The following NOLC1 variants were observed in gnomAD, a reference collection of about 807,000 sequenced individuals.
NOLC1 encodes 140 kDa nucleolar phosphoprotein.
A neutral mutation model predicts 73.4 loss-of-function variants in NOLC1; 37 were observed. The observed-to-expected ratio is 0.50, with a 90% CI of 0.39 to 0.66. The LOEUF is 0.66. NOLC1 is among the 30% of genes least tolerant of loss of function. The probability of loss-of-function intolerance (pLI) is 0.00; values close to 1 mark genes in which losing one functional copy is unlikely to be tolerated. For missense variants in NOLC1, 921 were observed against 838.9 expected (o/e 1.10, Z -1.21); for synonymous variants, 327 against 302.6 (o/e 1.08, Z -0.84).
At chr10:102,155,846 ACTAGT>A (rs925999708) in intron 1 of NOLC1, among the ~76,000 whole-genome samples, 1 of 150,912 alleles carries the variant, frequency 6.6e-6, no homozygotes, top group Non-Finnish European at 1.5e-5. Flanking sequence ...TACAGTACTT[ACTAGT>A]CTTGTTTCTT....
rs773425317 is a variant in NOLC1 at position 102,157,346 on chromosome 10, G to A, written c.316+18G>A. 9.3e-5 allele frequency: 150 copies of A among 1,613,512 alleles called. 1 individual carries two copies. The Admixed American group carries it at 2.5e-3, about 26-fold the overall frequency. On this transcript the variant is annotated intron_variant, in intron 3 of 12. Coordinates refer to ENST00000605788, the MANE Select transcript of NOLC1 (RefSeq NM_004741.5). ...GAAGGCTGGTAAGGCAGAGTAGCAG[G>A]TGGGCTTGGTGGTGCCAGGAAAAGA... is the stretch of plus-strand genomic sequence containing the variant.
rs904625711 is a variant in NOLC1 at position 102,160,563 on chromosome 10, C to T, written c.1211C>T (p.Ala404Val). 6.2e-7 allele frequency: 1 copy of T among 1,614,200 alleles called. No homozygotes were observed. The highest frequency in any genetic ancestry group is 8.5e-7 in the Non-Finnish European group (1 of 1,180,038). Residue 404 changes from alanine (A) to valine (V), a missense_variant, in exon 10 of 13, where the codon GCA becomes GTA. Physicochemically the swap from Ala to Val is moderately conservative, Grantham distance 64. Transcript: ENST00000605788. ...TTKSPAVKPA[A>V]APKQPVGGGQ... is the part of the protein sequence containing the mutation. ...AAGTCACCTGCAGTGAAGCCAGCTG[C>T]AGCCCCCAAGCAACCTGTGGGCGGT...
rs1424190800 is a variant in NOLC1, at chr10:102,162,172, A to G, written c.2003A>G (p.Lys668Arg). The G allele has an allele frequency of 1.9e-6, 3 of 1,614,038 alleles. No individual in the cohort carries two copies. The Admixed American group carries it at 5.0e-5, about 27-fold the overall frequency. ...ANQVLKFTKGKSFRHEKTKKK... is the reference protein window; with the variant it reads ...ANQVLKFTKGRSFRHEKTKKK... ...CAGGTTTTGAAGTTCACCAAAGGCA[A>G]GTCCTTTCGGCATGAGAAAACCAAG... is the stretch of plus-strand genomic sequence containing the variant. Residue 668 changes from lysine to arginine, a missense_variant, in exon 13 of 13, where the codon AAG (lysine) becomes AGG (arginine). By Grantham distance (26) the Lys-to-Arg change is conservative. Transcript: ENST00000605788.
intron 10 of NOLC1, 143 bp downstream of exon 10, chr10:102,161,236 A>G (rs1226968066): frequency 1.2e-6 from 1 of 832,566 alleles, no homozygotes; most frequent in South Asian, 2.0e-5. Flanking sequence ...GAAACTGGTT[A>G]CCTTTTTTTT....
chr10:102,163,056 A>G lies in NOLC1; in HGVS notation c.*787A>G, dbSNP rs1479047161. 2 of 152,172 alleles carry G rather than the reference A, an allele frequency of 1.3e-5. No individual in the cohort carries two copies. Among genetic ancestry groups the G allele is most frequent in the African/African-American group, 4.8e-5 (2 of 41,444 alleles). The allele number at this position is 152,172 out of a possible 1,614,324, so 9.4% of individuals were successfully genotyped here. On this transcript the variant is annotated 3_prime_UTR_variant, in exon 13 of 13. Transcript: ENST00000605788. ...TTCTACTGTTGAAAGACATTTTTTG[A>G]CAACTTGACCCTTCCTAGTATTGAG...
In NOLC1 at chr10:102,158,266, A is replaced by G. The variant is rs2069633388; in HGVS notation, c.607+52A>G. 6.5e-6 allele frequency: 10 copies of G among 1,542,652 alleles called. No homozygotes were observed. In the Middle Eastern group the frequency reaches 1.0e-3, roughly 160 times the overall value. On this transcript the variant is annotated intron_variant, in intron 5 of 12. Coordinates refer to ENST00000605788, the MANE Select transcript of NOLC1 (RefSeq NM_004741.5). ...GGCTGGGGACCAGATTGCTCTGGGG[A>G]CTGGAGTTAAAATTGCCGATTTGGC...
chr10:102,153,335 T>C (rs1264831665), intron 1 of NOLC1, among the ~76,000 whole-genome samples: 7 of 152,196 alleles, frequency 4.6e-5, no homozygotes, highest in African/African-American at 1.4e-4. Context: ...TTTAGGATGC[T>C]CCAAACACAT....
At position 102,162,922 on chromosome 10, in the gene NOLC1, T is replaced by C. The variant is rs146055542; in HGVS notation, c.*653T>C. The stretch of plus-strand genomic sequence containing the variant: ...CTCTGTTTTGTTACAGGCAAAATTC[T>C]GGTATGGCGTGAATGCCATGGGTCA... On this transcript the variant is annotated 3_prime_UTR_variant, in exon 13 of 13. Coordinates refer to ENST00000605788, the MANE Select transcript of NOLC1 (RefSeq NM_004741.5). 1 of 152,382 alleles carries C rather than the reference T, an allele frequency of 6.6e-6. No individual in the cohort carries two copies. Among genetic ancestry groups the C allele is most frequent in the Non-Finnish European group, 1.5e-5 (1 of 68,042 alleles). The allele number at this position is 152,382 out of a possible 1,614,324, so 9.4% of individuals were successfully genotyped here.
chr10:102,159,914 C>T lies in NOLC1; in HGVS notation c.878C>T (p.Pro293Leu). Residue 293 changes from proline (P) to leucine (L), a missense_variant, in exon 8 of 13, where the codon CCC becomes CTC. By Grantham distance (98) the Pro-to-Leu change is moderately conservative. Coordinates refer to ENST00000605788, the MANE Select transcript of NOLC1 (RefSeq NM_004741.5). ...KNKPGPYSSV[P>L]PPSAPPPKKS... is the part of the protein sequence containing the mutation. ...TAAACAGGTCCCTACAGTTCAGTCC[C>T]CCCGCCTTCTGCTCCCCCACCAAAG... 1.2e-6 allele frequency: 2 copies of T among 1,601,468 alleles called. No individual in the cohort carries two copies. The highest frequency in any genetic ancestry group is 1.1e-5 in the South Asian group (1 of 89,040).
At chr10:102,153,485 C>T (rs1466095113) in intron 1 of NOLC1, among the ~76,000 whole-genome samples, 1 of 152,180 alleles carries the variant, frequency 6.6e-6, no homozygotes. Context: ...ATGGCTTGCA[C>T]TTTTAGCAGA....
At chr10:102,153,028 T>C (rs2133749176) in intron 1 of NOLC1, among the ~76,000 whole-genome samples, 1 of 152,312 alleles carries the variant, frequency 6.6e-6, no homozygotes, top group South Asian at 2.1e-4. Context: ...AGAGTTTTGT[T>C]TTGAGTTACA....
chr10:102,159,092 AAAT>A, intron 5 of NOLC1, 98 bp from the exon 6 acceptor site: 90 of 970,072 alleles, frequency 9.3e-5, no homozygotes, highest in South Asian at 2.9e-4. Context: ...AAAAAAAAAA[AAAT>A]GGTGGACTCC....
At chr10:102,156,939 T>A in intron 1 of NOLC1, 80 bp from the exon 2 acceptor site, 1 of 1,296,194 alleles carries the variant, frequency 7.7e-7, no homozygotes, top group Non-Finnish European at 1.1e-6. Flanking sequence ...ATTTAGTAAT[T>A]ATGTATGTAA....
chr10:102,157,100 C>T (rs1358263486), intron 2 of NOLC1, 26 bp downstream of exon 2: 18 of 1,613,918 alleles, frequency 1.1e-5, no homozygotes, highest in Non-Finnish European at 1.4e-5. Flanking sequence ...TCCATTTTGG[C>T]TATTTTCTCC....
rs2069575130 is a variant in NOLC1 at position 102,155,231 on chromosome 10, G to A, written c.121-1788G>A. 2.0e-5 allele frequency among the ~76,000 whole-genome samples: 3 copies of A among 151,534 alleles called. No individual in the cohort carries two copies. The South Asian group carries it at 6.2e-4, about 32-fold the overall frequency. On this transcript the variant is annotated intron_variant, in intron 1 of 12. Coordinates refer to ENST00000605788, the MANE Select transcript of NOLC1 (RefSeq NM_004741.5). ...GTAGAGACGGGGTTTCTCCATGTTG[G>A]TCAGGCTGGTCTCGAACTCCCGATC...
Position 102,162,741 on chromosome 10 carries a change from C to T in NOLC1, c.*472C>T, listed in dbSNP as rs1433507432. On this transcript the variant is annotated 3_prime_UTR_variant, in exon 13 of 13. Transcript: ENST00000605788. ...GAGTGCACATGTCCACATTTCATCC[C>T]TCCTTCCCTCAAAACCCTAGAGAGG... The T allele has an allele frequency of 1.3e-5, 2 of 153,162 alleles. No individual in the cohort carries two copies. The highest frequency in any genetic ancestry group is 4.8e-5 in the African/African-American group (2 of 41,454). 9.5% of individuals were successfully genotyped at this position (153,162 alleles called of 1,614,324 possible).
At chr10:102,153,754 C>A (rs1379565695) in intron 1 of NOLC1, among the ~76,000 whole-genome samples, 2 of 148,682 alleles carry the variant, frequency 1.3e-5, no homozygotes, top group South Asian at 4.2e-4. Flanking sequence ...CTCATTGTAA[C>A]CTCCGCCTCC....
chr10:102,153,759 G>C (rs1482603011), intron 1 of NOLC1, among the ~76,000 whole-genome samples: 1 of 139,218 alleles, frequency 7.2e-6, no homozygotes, highest in African/African-American at 2.7e-5. Flanking sequence ...TGTAACCTCC[G>C]CCTCCCAAGT....
chr10:102,155,873 T>C (rs1320635678), intron 1 of NOLC1, among the ~76,000 whole-genome samples: 1 of 152,156 alleles, frequency 6.6e-6, no homozygotes, highest in African/African-American at 2.4e-5. Context: ...CTTTTTTTTT[T>C]TGAGACAGAG....
Sources: gnomAD v4.1 joint callset for allele counts (sites outside exome capture counted in the v4.1 genomes callset) on GRCh38, gnomAD v4.1.1 for gene constraint, MANE v1.5 for transcripts, NCBI Gene and HGNC (gene_info 2026-07-23, HGNC 2026-07-21) for gene names.